Variants in FAF1 observed in about 807,000 individuals in gnomAD.
The protein encoded by FAF1 is FAS-associated factor 1.
In FAF1, 25 loss-of-function variants were observed where a neutral mutation model predicts 92.5. The observed-to-expected ratio is 0.27, with a 90% CI of 0.20 to 0.38. FAF1 has a LOEUF of 0.38. Among genes scored for constraint, FAF1 ranks in the 10% least tolerant of loss-of-function variants. The pLI, the probability that FAF1 is intolerant of heterozygous loss-of-function variation, is 1.00. For synonymous variants in FAF1, 234 were observed against 273.2 expected (o/e 0.86, Z 1.42); for missense variants, 636 against 793.3 (o/e 0.80, Z 2.38).
intron 15 of FAF1, among the ~76,000 whole-genome samples, chr1:50,508,594 A>T (rs968278520): frequency 1.3e-5 from 2 of 152,242 alleles, no homozygotes; most frequent in Admixed American, 1.3e-4. Context: ...GTGGGGATGG[A>T]GAGTGACTGC....
intron 12 of FAF1, among the ~76,000 whole-genome samples, chr1:50,576,221 C>T (rs141877201): frequency 2.6e-5 from 4 of 152,268 alleles, no homozygotes; most frequent in Admixed American, 6.5e-5. Context: ...CTCAAAACAA[C>T]CTCTATAAAG....
At chr1:50,696,609 A>G (rs962318564) in intron 7 of FAF1, among the ~76,000 whole-genome samples, 1 of 152,230 alleles carries the variant, frequency 6.6e-6, no homozygotes, top group African/African-American at 2.4e-5. Flanking sequence ...CTTCATCTAA[A>G]TGGATACCAT....
intron 1 of FAF1, among the ~76,000 whole-genome samples, chr1:50,921,200 G>GT (rs1644960186): frequency 6.6e-6 from 1 of 152,226 alleles, no homozygotes; most frequent in Admixed American, 6.5e-5. Context: ...CAGAGCCTGG[G>GT]TGAGCCATCA....
chr1:50,492,881 G>T (rs546909617), intron 15 of FAF1, among the ~76,000 whole-genome samples: 1 of 152,072 alleles, frequency 6.6e-6, no homozygotes, highest in African/African-American at 2.4e-5. Context: ...GGTATGAATA[G>T]GAACATTTCA....
chr1:50,612,541 A>G, intron 8 of FAF1: 1 of 900,758 alleles, frequency 1.1e-6, no homozygotes, highest in Non-Finnish European at 1.3e-6. Context: ...TGTCTAGTCA[A>G]TAGTGAGATG....
chr1:50,722,229 T>C (rs1658440236), intron 6 of FAF1, among the ~76,000 whole-genome samples: 1 of 152,200 alleles, frequency 6.6e-6, no homozygotes. Context: ...GTTTACTTCA[T>C]AAATGAACTA....
intron 2 of FAF1, among the ~76,000 whole-genome samples, chr1:50,848,784 A>T (rs1183563318): frequency 2.0e-5 from 3 of 152,210 alleles, no homozygotes; most frequent in African/African-American, 7.2e-5. Flanking sequence ...CCTGATCAGT[A>T]ATCTCTCAAA....
chr1:50,474,633 C>T (rs1333092974), intron 18 of FAF1, among the ~76,000 whole-genome samples: 1 of 152,124 alleles, frequency 6.6e-6, no homozygotes, highest in Non-Finnish European at 1.5e-5. Context: ...GCGTTATTAA[C>T]GTGTATTCAG....
chr1:50,868,677 G>A (rs1038061054), intron 1 of FAF1, among the ~76,000 whole-genome samples: 2 of 152,082 alleles, frequency 1.3e-5, no homozygotes, highest in African/African-American at 4.8e-5. Flanking sequence ...GTTGTATTTG[G>A]AAGAATGTTA....
At chr1:50,624,574 A>G (rs1285660558) in intron 8 of FAF1, among the ~76,000 whole-genome samples, 2 of 152,256 alleles carry the variant, frequency 1.3e-5, no homozygotes, top group Non-Finnish European at 2.9e-5. Flanking sequence ...GAAAAAAATG[A>G]GTTAATCTAT....
chr1:50,667,415 T>C (rs1655686796), intron 7 of FAF1, among the ~76,000 whole-genome samples: 1 of 152,188 alleles, frequency 6.6e-6, no homozygotes, highest in South Asian at 2.1e-4. Context: ...GTTTTCTCTC[T>C]CTCCACAGTT....
chr1:50,777,031 G>T (rs1294439750), intron 4 of FAF1, among the ~76,000 whole-genome samples: 1 of 152,020 alleles, frequency 6.6e-6, no homozygotes, highest in African/African-American at 2.4e-5. Context: ...AGACTGAGGT[G>T]GGGGGATTGC....
intron 6 of FAF1, among the ~76,000 whole-genome samples, chr1:50,717,081 C>T (rs967779178): frequency 2.0e-5 from 3 of 152,074 alleles, no homozygotes; most frequent in Admixed American, 6.6e-5. Flanking sequence ...CTTTAAGAGC[C>T]GTAACACTCA....
intron 6 of FAF1, among the ~76,000 whole-genome samples, chr1:50,710,025 A>G (rs932995736): frequency 7.9e-5 from 12 of 152,212 alleles, no homozygotes. Flanking sequence ...TGATGTGAAG[A>G]AAGGTTTCTG....
At chr1:50,732,251 TTTTTTA>T (rs781417700) in intron 6 of FAF1, among the ~76,000 whole-genome samples, 42 of 151,542 alleles carry the variant, frequency 2.8e-4, no homozygotes, top group Non-Finnish European at 5.6e-4. Context: ...ATTTTTTATA[TTTTTTA>T]GTAGAGACGG....
chr1:50,819,740 C>CGTATATATACATATATATATACGT (rs3062921), intron 2 of FAF1, among the ~76,000 whole-genome samples: 1 of 28,036 alleles, frequency 3.6e-5, no homozygotes, highest in Non-Finnish European at 6.4e-5. Context: ...CATATATATA[C>CGTATATATACATATATATATACGT]ATATATATAT....
chr1:50,611,723 G>C (rs1288511210), intron 8 of FAF1, among the ~76,000 whole-genome samples: 1 of 152,138 alleles, frequency 6.6e-6, no homozygotes, highest in Non-Finnish European at 1.5e-5. Flanking sequence ...GAAAACAGGA[G>C]TGGACAGATA....
At chr1:50,828,187 C>T (rs1644119506) in intron 2 of FAF1, among the ~76,000 whole-genome samples, 1 of 151,342 alleles carries the variant, frequency 6.6e-6, no homozygotes, top group South Asian at 2.1e-4. Context: ...CAGAAACAGT[C>T]CCATACAGGT....
At chr1:50,844,626 G>A (rs1197683997) in intron 2 of FAF1, among the ~76,000 whole-genome samples, 1 of 151,096 alleles carries the variant, frequency 6.6e-6, no homozygotes, top group Non-Finnish European at 1.5e-5. Flanking sequence ...ACATAATGAT[G>A]GAGCCAAGAA....
Sources: gnomAD v4.1 joint callset for allele counts (sites outside exome capture counted in the v4.1 genomes callset) on GRCh38, gnomAD v4.1.1 for gene constraint, MANE v1.5 for transcripts, NCBI Gene and HGNC (gene_info 2026-07-23, HGNC 2026-07-21) for gene names.